PLCH2: variants seen among roughly 807,000 people sequenced by gnomAD.
PLCH2 encodes the protein 1-phosphatidylinositol 4,5-bisphosphate phosphodiesterase eta-2.
Under a neutral mutation model 134.7 loss-of-function variants are expected in PLCH2, and 98 were observed. That is an observed-to-expected ratio of 0.73 (90% CI 0.62 to 0.86). PLCH2 has a LOEUF of 0.86. Ranked by LOEUF, PLCH2 falls within the 40% of genes least tolerant of loss-of-function variation. The pLI is 0.00. For missense variants in PLCH2, 1,994 were observed against 1,986.6 expected (o/e 1.00, Z -0.07); for synonymous variants, 974 against 827.5 (o/e 1.18, Z -3.04).
chr1:2,488,885 C>A (rs1272652112), intron 8 of PLCH2, among the ~76,000 whole-genome samples: 1 of 152,232 alleles, frequency 6.6e-6, no homozygotes, highest in Non-Finnish European at 1.5e-5. Context: ...ATTTTAAAAC[C>A]ATGACTTTTT....
At chr1:2,420,082 G>A in the PLCH2 span, among the ~76,000 whole-genome samples, 4 of 149,740 alleles carry the variant, frequency 2.7e-5, no homozygotes, top group South Asian at 8.4e-4. Context: ...ACAGTAACCT[G>A]CCTCCCCACT....
intron 15 of PLCH2, 77 bp downstream of exon 15, chr1:2,497,087 A>G: frequency 6.9e-7 from 1 of 1,440,738 alleles, no homozygotes; most frequent in Non-Finnish European, 9.5e-7. Flanking sequence ...AGGGGCGAGC[A>G]GGGGACCCGC....
Position 2,504,574 on chromosome 1 carries a change from C to T in PLCH2, c.3612C>T (p.Pro1204=). Reference sequence around the variant, plus strand: ...CTGTGACCAAGAGCAAATCCAACCCCAACCTTCGGGCTACAGGCCAGCGGC... The same window carrying T: ...CTGTGACCAAGAGCAAATCCAACCCTAACCTTCGGGCTACAGGCCAGCGGC... The part of the protein sequence containing the change: ...LPPVTKSKSN[P]NLRATGQRPP... Residue 1204 remains proline (P), a synonymous_variant, in exon 22 of 22, where the codon CCC becomes CCT. Coordinates refer to ENST00000378486, the MANE Select transcript of PLCH2 (RefSeq NM_014638.4). 5 of 1,612,780 alleles carry T rather than the reference C, an allele frequency of 3.1e-6. No homozygotes were observed. The highest frequency in any genetic ancestry group is 4.2e-6 in the Non-Finnish European group (5 of 1,179,802).
intron 4 of PLCH2, among the ~76,000 whole-genome samples, chr1:2,484,128 T>A (rs1642165484): frequency 6.6e-6 from 1 of 152,190 alleles, no homozygotes; most frequent in African/African-American, 2.4e-5. Flanking sequence ...TGTTGTTGAC[T>A]CCCGTATGGG....
chr1:2,490,800 C>T (rs971097836), intron 10 of PLCH2, among the ~76,000 whole-genome samples: 1 of 152,100 alleles, frequency 6.6e-6, no homozygotes, highest in East Asian at 1.9e-4. Flanking sequence ...TCATCAGGGG[C>T]ACCCGGGGGG....
chr1:2,479,423 T>G, intron 2 of PLCH2: 3 of 293,788 alleles, frequency 1.0e-5, no homozygotes, highest in East Asian at 6.7e-5. Flanking sequence ...ACGTGCTGGT[T>G]AAACGTGGAG....
intron 2 of PLCH2, among the ~76,000 whole-genome samples, chr1:2,446,087 G>A (rs957060700): frequency 3.3e-5 from 5 of 152,204 alleles, no homozygotes; most frequent in African/African-American, 7.2e-5. Context: ...CTGCCTGGCC[G>A]GGCTTCCACC....
chr1:2,482,132 A>G (rs966527102), intron 4 of PLCH2, among the ~76,000 whole-genome samples: 3 of 152,242 alleles, frequency 2.0e-5, no homozygotes, highest in Admixed American at 1.3e-4. Flanking sequence ...GTGGAAAGAA[A>G]AGATGCCACG....
At chr1:2,425,560 T>A (rs1468552432), upstream of PLCH2, among the ~76,000 whole-genome samples, 2 of 152,146 alleles carry the variant, frequency 1.3e-5, no homozygotes, top group Non-Finnish European at 2.9e-5. Flanking sequence ...GTTGCCAAGG[T>A]TGGAGTGCAG....
Position 2,504,033 on chromosome 1 carries a change from C to CGGAGCCCCTGGGAGGGTGGCGGCCCCTGG in PLCH2, c.3071_3072insGGAGCCCCTGGGAGGGTGGCGGCCCCTGG (p.Ser1025GlufsTer31). 6.5e-7 allele frequency: 1 copy of CGGAGCCCCTGGGAGGGTGGCGGCCCCTGG among 1,541,288 alleles called. No homozygotes were observed. Among genetic ancestry groups the CGGAGCCCCTGGGAGGGTGGCGGCCCCTGG allele is most frequent in the East Asian group, 2.4e-5 (1 of 40,860 alleles). On this transcript the variant is annotated frameshift_variant, in exon 22 of 22. Coordinates refer to ENST00000378486, the MANE Select transcript of PLCH2 (RefSeq NM_014638.4). LOFTEE classifies it high-confidence loss of function. ...CCCCCGCCACCAGCGGCTGTCCCCA[C>CGGAGCCCCTGGGAGGGTGGCGGCCCCTGG]CAGCTCTTCTCAGGGACGGCCCCCA...
Position 2,498,452 on chromosome 1 carries a change from C to A in PLCH2, c.2225-71C>A. ...TGGGGGCTGGGGAGGGGGCTGTTGG[C>A]AGCCATGCCCCAGCAAGCAGGGGGC... is the stretch of plus-strand genomic sequence containing the variant. On this transcript the variant is annotated intron_variant, in intron 16 of 21. Transcript: ENST00000378486. This position sits in a 1 kb window ranked among gnomAD's most constrained non-coding sequence, Gnocchi z 5.4. 1 of 1,531,856 alleles carries A rather than the reference C, an allele frequency of 6.5e-7. No individual in the cohort carries two copies. Among genetic ancestry groups the A allele is most frequent in the South Asian group, 1.2e-5 (1 of 81,686 alleles). The allele number at this position is 1,531,856 out of a possible 1,614,324, so 94.9% of individuals were successfully genotyped here.
Position 2,498,515 on chromosome 1 carries a change from C to T in PLCH2, c.2225-8C>T, listed in dbSNP as rs1043165706. The stretch of plus-strand genomic sequence containing the variant: ...GGGCCACTGACCACCTCCCCGGCAT[C>T]CCCTCAGGCGTGTTCAACCCCAACT... On this transcript the variant is annotated splice_region_variant and splice_polypyrimidine_tract_variant and intron_variant, in intron 16 of 21. Coordinates refer to ENST00000378486, the MANE Select transcript of PLCH2 (RefSeq NM_014638.4). The surrounding 1 kb of genome is among the most constrained non-coding windows in gnomAD (Gnocchi z 5.4). The T allele has an allele frequency of 5.6e-6, 9 of 1,603,502 alleles. No homozygotes were observed. In the African/African-American group the frequency reaches 1.1e-4, roughly 19 times the overall value.
intron 2 of PLCH2, among the ~76,000 whole-genome samples, chr1:2,449,959 G>GC (rs1197730910): frequency 6.6e-6 from 1 of 152,242 alleles, no homozygotes; most frequent in Admixed American, 6.5e-5. Flanking sequence ...TGGGAGGCTG[G>GC]CCTCGGACTG....
intron 11 of PLCH2, among the ~76,000 whole-genome samples, chr1:2,492,126 T>C (rs1451502721): frequency 1.3e-5 from 2 of 152,336 alleles, no homozygotes; most frequent in African/African-American, 4.8e-5. Context: ...GGGACCTTGC[T>C]CTTTTCCTAA....
At position 2,498,460 on chromosome 1, in the gene PLCH2, C is replaced by A; in HGVS notation, c.2225-63C>A. On this transcript the variant is annotated intron_variant, in intron 16 of 21. Coordinates refer to ENST00000378486, the MANE Select transcript of PLCH2 (RefSeq NM_014638.4). The surrounding 1 kb of genome is among the most constrained non-coding windows in gnomAD (Gnocchi z 5.4). Reference sequence around the variant, plus strand: ...GGGGAGGGGGCTGTTGGCAGCCATGCCCCAGCAAGCAGGGGGCTTGCTGAG... The same window carrying A: ...GGGGAGGGGGCTGTTGGCAGCCATGACCCAGCAAGCAGGGGGCTTGCTGAG... 6.4e-7 allele frequency: 1 copy of A among 1,557,748 alleles called. No individual in the cohort carries two copies. The highest frequency in any genetic ancestry group is 8.7e-7 in the Non-Finnish European group (1 of 1,149,456).
intron 11 of PLCH2, chr1:2,492,467 C>G (rs1254319466): frequency 1.3e-5 from 2 of 152,272 alleles, no homozygotes; most frequent in Non-Finnish European, 2.9e-5. Context: ...CCCTGCAGAC[C>G]TCAGGTCTGA....
Position 2,489,664 on chromosome 1 carries a change from G to T in PLCH2, c.1408-96G>T, listed in dbSNP as rs1642462166. The T allele has an allele frequency of 6.1e-6, 6 of 982,262 alleles. No individual in the cohort carries two copies. In the Admixed American group the frequency reaches 1.2e-4, roughly 19 times the overall value. 60.8% of individuals were successfully genotyped at this position (982,262 alleles called of 1,614,324 possible). A position where few individuals can be genotyped will look rare whatever the true frequency, so the allele number is the denominator to read the frequency against. On this transcript the variant is annotated intron_variant, in intron 9 of 21. Transcript: ENST00000378486. ...ATGCCAAAACTGAGCTTGAGAAAAG[G>T]CCCCTCTCCTTGGCCGGCGGCTCTT...
intron 2 of PLCH2, among the ~76,000 whole-genome samples, chr1:2,431,512 C>T (rs1460127843): frequency 2.0e-5 from 3 of 152,152 alleles, no homozygotes; most frequent in Non-Finnish European, 4.4e-5. Flanking sequence ...TCAGCGCTGT[C>T]TGGAATGGAC....
At chr1:2,418,087 G>A in the PLCH2 span, among the ~76,000 whole-genome samples, 2 of 152,232 alleles carry the variant, frequency 1.3e-5, no homozygotes. Context: ...CAGGAGCTGT[G>A]GAGTCAGCGC....
Sources: gnomAD v4.1 joint callset for allele counts (sites outside exome capture counted in the v4.1 genomes callset) on GRCh38, gnomAD v4.1.1 for gene constraint, Gnocchi (gnomAD v3.1) non-coding constraint, MANE v1.5 for transcripts, NCBI Gene and HGNC (gene_info 2026-07-23, HGNC 2026-07-21) for gene names.